ADCK5: variants seen among roughly 807,000 people sequenced by gnomAD.
ADCK5 encodes the protein aarF domain containing kinase 5.
A neutral mutation model predicts 64.9 loss-of-function variants in ADCK5; 43 were observed. The ratio of observed to expected loss-of-function variants is 0.66; its 90% CI spans 0.52 to 0.85. The LOEUF (loss-of-function observed/expected upper bound fraction) is 0.85. Ranked by LOEUF, ADCK5 falls within the 40% of genes least tolerant of loss-of-function variation. The pLI is 0.00. For synonymous variants in ADCK5, 434 were observed against 342.8 expected, an observed-to-expected ratio of 1.27 and a Z score of -2.94; for missense variants, 760 against 810.5, an observed-to-expected ratio of 0.94 and a Z score of 0.76.
chr8:144,392,319 C>T lies in ADCK5; in HGVS notation c.1241C>T (p.Ala414Val), dbSNP rs921386378. 1.8e-5 allele frequency: 21 copies of T among 1,154,812 alleles called. No homozygotes were observed. Among genetic ancestry groups the T allele is most frequent in the African/African-American group, 3.1e-5 (2 of 65,276 alleles). The allele number at this position is 1,154,812 out of a possible 1,614,324, so 71.5% of individuals were successfully genotyped here. ...CTGCGGGACGACGCCGCCATGAGGG[C>T]GCACGCAGCCGCACTGGGGGTGCAA... ...IILRDDAAMR[A>V]HAAALGVQDY... The change falls in exon 12 of 15, where the codon GCG (alanine) becomes GTG (valine). Residue 414 changes from alanine to valine, a missense_variant. By Grantham distance (64) the Ala-to-Val change is moderately conservative. Around this residue, in one of 2 missense-constraint regions of ADCK5, gnomAD observed 333 missense variants for 292.0 expected, o/e 1.14. Coordinates refer to ENST00000308860, the MANE Select transcript of ADCK5 (RefSeq NM_174922.5).
In ADCK5 at chr8:144,383,242, T is replaced by G; in HGVS notation, c.266+12T>G. 6.4e-7 allele frequency: 1 copy of G among 1,558,504 alleles called. No individual in the cohort carries two copies. Among genetic ancestry groups the G allele is most frequent in the Non-Finnish European group, 8.7e-7 (1 of 1,150,934 alleles). On this transcript the variant is annotated intron_variant, in intron 3 of 14. Transcript: ENST00000308860. ...GGGCGCTTTGGCAGGTAGGAGGGCC[T>G]GGCGGCAGGCAGGGGTTGCGGCGTG...
At chr8:144,377,514 C>CTTTT (rs1210669718) in intron 1 of ADCK5, 1 of 152,274 alleles carries the variant, frequency 6.6e-6, no homozygotes, top group Admixed American at 6.5e-5. Flanking sequence ...CACCTGGCTA[C>CTTTT]TTTTTTTGTA....
At chr8:144,388,406 G>C in intron 3 of ADCK5, among the ~76,000 whole-genome samples, 1 of 151,676 alleles carries the variant, frequency 6.6e-6, no homozygotes, top group East Asian at 1.9e-4. Flanking sequence ...CAAGTCTGTG[G>C]GACTTTTTCA....
rs782260963 is a variant in ADCK5 at position 144,392,593 on chromosome 8, G to A, written c.1416G>A (p.Glu472=). The A allele has an allele frequency of 4.4e-6, 7 of 1,579,462 alleles. No individual in the cohort carries two copies. Among genetic ancestry groups the A allele is most frequent in the South Asian group, 3.4e-5 (3 of 87,778 alleles). ...RFEAVMAVLR[E]LPRPMLLVLR... is the part of the protein sequence containing the mutation. ...AGGCCGTCATGGCGGTGCTCAGGGA[G>A]CTGCCGCGGCCCATGCTGCTGGTGC... is the stretch of plus-strand genomic sequence containing the variant. The change falls in exon 13 of 15, where the codon GAG becomes GAA. Residue 472 remains glutamate (E), a synonymous_variant. Transcript: ENST00000308860.
intron 3 of ADCK5, among the ~76,000 whole-genome samples, chr8:144,389,561 GTC>G (rs1295476238): frequency 1.3e-5 from 2 of 152,326 alleles, no homozygotes; most frequent in Admixed American, 1.3e-4. Flanking sequence ...TTGAGACGGA[GTC>G]TCGCTCTGTC....
In ADCK5 at chr8:144,376,028, C is replaced by T. The variant is rs1168113992; in HGVS notation, c.12+1921C>T. Among the ~76,000 whole-genome samples the T allele has an allele frequency of 6.6e-6, 1 of 152,184 alleles. No homozygotes were observed. Among genetic ancestry groups the T allele is most frequent in the Non-Finnish European group, 1.5e-5 (1 of 68,028 alleles). ...GGGAGATGCAGCTGCAGGCTCGCCC[C>T]CCAACCCATAACCTCTCTGGGCCTT... On this transcript the variant is annotated intron_variant, in intron 1 of 14. Coordinates refer to ENST00000308860, the MANE Select transcript of ADCK5 (RefSeq NM_174922.5). This position sits in a 1 kb window ranked among gnomAD's most constrained non-coding sequence, Gnocchi z 5.1.
intron 1 of ADCK5, among the ~76,000 whole-genome samples, chr8:144,378,411 T>C (rs1246542740): frequency 6.6e-6 from 1 of 152,142 alleles, no homozygotes; most frequent in Non-Finnish European, 1.5e-5. Context: ...GATCTGATGG[T>C]TTAAAAGTGT....
intron 3 of ADCK5, among the ~76,000 whole-genome samples, chr8:144,385,814 A>G (rs1444838972): frequency 2.0e-5 from 3 of 148,762 alleles, no homozygotes; most frequent in African/African-American, 5.0e-5. Flanking sequence ...AATACAAAAA[A>G]TTAGCCGGGC....
chr8:144,382,987 G>T, intron 2 of ADCK5, 94 bp from the exon 3 acceptor site: 2 of 1,498,256 alleles, frequency 1.3e-6, no homozygotes, highest in Non-Finnish European at 1.8e-6. Context: ...GTGCACACAG[G>T]AGTGAGACGT....
intron 1 of ADCK5, among the ~76,000 whole-genome samples, chr8:144,374,331 A>G (rs1819277303): frequency 6.6e-6 from 1 of 151,784 alleles, no homozygotes; most frequent in East Asian, 1.9e-4. Flanking sequence ...TCGGCCCCGC[A>G]AGTAGCTGAC....
chr8:144,385,905 A>G (rs1554859193), intron 3 of ADCK5, among the ~76,000 whole-genome samples: 1 of 150,946 alleles, frequency 6.6e-6, no homozygotes, highest in Non-Finnish European at 1.5e-5. Flanking sequence ...CGGAGCTTGC[A>G]GTGAGCCAAG....
chr8:144,374,890 CG>C (rs558492228), intron 1 of ADCK5, among the ~76,000 whole-genome samples: 95 of 152,156 alleles, frequency 6.2e-4, no homozygotes, highest in Non-Finnish European at 1.1e-3. Context: ...GTTAGGACTG[CG>C]GGGGGGCGGG....
intron 2 of ADCK5, among the ~76,000 whole-genome samples, chr8:144,381,963 C>T (rs375342418): frequency 3.8e-5 from 5 of 130,910 alleles, no homozygotes; most frequent in South Asian, 2.5e-4. Context: ...GATTATGGGC[C>T]GGGTGTAGAA....
chr8:144,393,162 T>C lies in ADCK5; in HGVS notation c.*88T>C, dbSNP rs1820417535. 2.2e-6 allele frequency: 3 copies of C among 1,380,280 alleles called. No individual in the cohort carries two copies. In the South Asian group the frequency reaches 4.4e-5, roughly 20 times the overall value. The allele number at this position is 1,380,280 out of a possible 1,614,324, so 85.5% of individuals were successfully genotyped here. On this transcript the variant is annotated 3_prime_UTR_variant, in exon 15 of 15. Coordinates refer to ENST00000308860, the MANE Select transcript of ADCK5 (RefSeq NM_174922.5). ...AGAGGTGTAGACACCCCGAGCCCCGTGGGCACTCGCACTGGGGGGCTGTGA... is the reference window on the plus strand; with the variant it reads ...AGAGGTGTAGACACCCCGAGCCCCGCGGGCACTCGCACTGGGGGGCTGTGA...
chr8:144,382,004 C>A (rs376277035), intron 2 of ADCK5, among the ~76,000 whole-genome samples: 4,956 of 106,370 alleles, frequency 0.047, 148 homozygotes, highest in African/African-American at 0.13. Flanking sequence ...CTGCTGCACT[C>A]AGGATTATGG....
intron 3 of ADCK5, chr8:144,389,120 T>A: frequency 2.7e-6 from 1 of 372,652 alleles, no homozygotes. Context: ...CCCACCCTGA[T>A]ATCCTCCTAA....
intron 3 of ADCK5, among the ~76,000 whole-genome samples, chr8:144,385,768 C>A (rs1819891630): frequency 6.6e-6 from 1 of 151,640 alleles, no homozygotes; most frequent in Non-Finnish European, 1.5e-5. Context: ...TCGAGACCAT[C>A]CTGGCTAACA....
chr8:144,375,572 G>T, intron 1 of ADCK5: 2 of 985,466 alleles, frequency 2.0e-6, no homozygotes, highest in Non-Finnish European at 2.4e-6. Context: ...AACCAGACAC[G>T]ATCGGACATG....
intron 3 of ADCK5, among the ~76,000 whole-genome samples, chr8:144,388,486 C>T (rs371473640): frequency 1.6e-4 from 24 of 151,882 alleles, no homozygotes; most frequent in Non-Finnish European, 1.2e-4. Flanking sequence ...AAGTTAGAGC[C>T]GGGCACGGTG....
Sources: gnomAD v4.1 joint callset for allele counts (sites outside exome capture counted in the v4.1 genomes callset) on GRCh38, gnomAD v4.1.1 for gene constraint, gnomAD v4.1.1 regional missense constraint, Gnocchi (gnomAD v3.1) non-coding constraint, MANE v1.5 for transcripts, NCBI Gene and HGNC (gene_info 2026-07-23, HGNC 2026-07-21) for gene names.